ADAMTSL1: variants seen among roughly 807,000 people sequenced by gnomAD.
ADAMTSL1 encodes ADAMTS like 1.
Under a neutral mutation model 201.8 loss-of-function variants are expected in ADAMTSL1, and 126 were observed. That is an observed-to-expected ratio of 0.62 (90% CI 0.54 to 0.72). The LOEUF is 0.72. Ranked by LOEUF, ADAMTSL1 falls within the 30% of genes least tolerant of loss-of-function variation. The pLI is 0.00. For missense variants in ADAMTSL1, 2,679 were observed against 2,277.8 expected (o/e 1.18, Z -3.59); for synonymous variants, 1,121 against 903.4 (o/e 1.24, Z -4.32).
At chr9:18,393,879 C>G (rs987261194) in intron 2 of ADAMTSL1, among the ~76,000 whole-genome samples, 1 of 152,132 alleles carries the variant, frequency 6.6e-6, no homozygotes, top group Non-Finnish European at 1.5e-5. Context: ...TGATACCATC[C>G]GGCTGTGAAA....
At chr9:18,343,965 G>A (rs1045112562) in intron 2 of ADAMTSL1, among the ~76,000 whole-genome samples, 21 of 152,094 alleles carry the variant, frequency 1.4e-4, no homozygotes, top group Admixed American at 5.9e-4. Context: ...CCAGGAGAAT[G>A]TCTCTTGCTA....
chr9:18,120,993 C>A (rs745562828), intron 1 of ADAMTSL1, among the ~76,000 whole-genome samples: 54 of 151,862 alleles, frequency 3.6e-4, no homozygotes, highest in Non-Finnish European at 8.8e-5. Flanking sequence ...GAAGTCATAC[C>A]AAAGCTTTTA....
intron 9 of ADAMTSL1, among the ~76,000 whole-genome samples, chr9:18,673,026 CA>C (rs1829922663): frequency 2.6e-5 from 4 of 152,154 alleles, no homozygotes; most frequent in Non-Finnish European, 5.9e-5. Context: ...GTTTTACCCC[CA>C]AGCCAACTGT....
intron 1 of ADAMTSL1, among the ~76,000 whole-genome samples, chr9:17,936,527 G>A (rs1460255616): frequency 1.3e-5 from 2 of 152,188 alleles, no homozygotes; most frequent in East Asian, 3.9e-4. Context: ...GGTTGAACCA[G>A]TTGATCTCTG....
rs373109941 is a variant in ADAMTSL1 at position 18,650,123 on chromosome 9, C to T, written c.835-7516C>T. 3.9e-5 allele frequency among the ~76,000 whole-genome samples: 6 copies of T among 152,294 alleles called. No homozygotes were observed. In the East Asian group the frequency reaches 7.7e-4, roughly 20 times the overall value. On this transcript the variant is annotated intron_variant, in intron 7 of 28. Coordinates refer to ENST00000380548, the MANE Select transcript of ADAMTSL1 (RefSeq NM_001040272.6). Reference sequence around the variant, plus strand: ...GGTGCCCATCCCCAAGCCTCGCTGCCGCCTTGCAGTTTGATCTCTGACTGC... The same window carrying T: ...GGTGCCCATCCCCAAGCCTCGCTGCTGCCTTGCAGTTTGATCTCTGACTGC...
chr9:18,732,211 C>G (rs1818254855), intron 15 of ADAMTSL1, among the ~76,000 whole-genome samples: 1 of 152,150 alleles, frequency 6.6e-6, no homozygotes, highest in Non-Finnish European at 1.5e-5. Flanking sequence ...TTTATACTCA[C>G]CGAGTTTATT....
chr9:18,231,590 C>T (rs1190339533), intron 2 of ADAMTSL1, among the ~76,000 whole-genome samples: 1 of 152,200 alleles, frequency 6.6e-6, no homozygotes, highest in African/African-American at 2.4e-5. Context: ...GGTTCACATG[C>T]AGTCTCATGG....
chr9:18,231,174 C>T (rs1202296589), intron 2 of ADAMTSL1, among the ~76,000 whole-genome samples: 1 of 152,112 alleles, frequency 6.6e-6, no homozygotes. Flanking sequence ...TACCAATGCC[C>T]ACTCCACCTA....
chr9:18,683,682 C>T (rs2482972), intron 12 of ADAMTSL1, among the ~76,000 whole-genome samples: 22,156 of 152,102 alleles, frequency 0.15, 2,044 homozygotes, highest in East Asian at 0.27. Context: ...AATTGCTGTG[C>T]ATAGAGAACA....
chr9:18,489,114 T>C (rs543803318), intron 1 of ADAMTSL1, among the ~76,000 whole-genome samples: 3 of 152,294 alleles, frequency 2.0e-5, no homozygotes, highest in African/African-American at 4.8e-5. Flanking sequence ...GACCCAGACA[T>C]TGGCAATTTT....
intron 19 of ADAMTSL1, among the ~76,000 whole-genome samples, chr9:18,790,903 T>A (rs1351784418): frequency 6.6e-6 from 1 of 152,200 alleles, no homozygotes; most frequent in Non-Finnish European, 1.5e-5. Context: ...ACTTGCTATG[T>A]AGGTCTTAAT....
chr9:18,582,823 T>C (rs1443860517), intron 4 of ADAMTSL1, among the ~76,000 whole-genome samples: 3 of 151,188 alleles, frequency 2.0e-5, no homozygotes, highest in African/African-American at 7.3e-5. Flanking sequence ...CACTCCAGCC[T>C]GGGCGACACA....
intron 5 of ADAMTSL1, among the ~76,000 whole-genome samples, chr9:18,635,039 T>G (rs1320267297): frequency 6.6e-6 from 1 of 151,746 alleles, no homozygotes; most frequent in Non-Finnish European, 1.5e-5. Flanking sequence ...CATTTGATCT[T>G]GGACTATGCA....
chr9:18,010,676 G>C (rs1275979774), intron 1 of ADAMTSL1, among the ~76,000 whole-genome samples: 1 of 151,974 alleles, frequency 6.6e-6, no homozygotes, highest in Non-Finnish European at 1.5e-5. Context: ...CCCTAAGAGA[G>C]TGGGTGGAGA....
chr9:18,003,135 C>T (rs1474730119), intron 1 of ADAMTSL1, among the ~76,000 whole-genome samples: 1 of 151,940 alleles, frequency 6.6e-6, no homozygotes. Flanking sequence ...GGTAGAGAGC[C>T]CTAAGCACTG....
intron 2 of ADAMTSL1, among the ~76,000 whole-genome samples, chr9:18,374,895 C>T (rs1837216079): frequency 6.6e-6 from 1 of 152,314 alleles, no homozygotes; most frequent in East Asian, 1.9e-4. Flanking sequence ...GGGGGATTAT[C>T]CCCCTTGGAT....
chr9:18,846,175 C>G (rs965134554), intron 23 of ADAMTSL1, among the ~76,000 whole-genome samples: 2 of 152,178 alleles, frequency 1.3e-5, no homozygotes, highest in Non-Finnish European at 2.9e-5. Flanking sequence ...ACTGAGGACA[C>G]AGTAATAAGC....
intron 2 of ADAMTSL1, among the ~76,000 whole-genome samples, chr9:18,353,474 A>AT (rs555362977): frequency 9.0e-4 from 137 of 152,248 alleles, no homozygotes; most frequent in Non-Finnish European, 1.4e-3. Flanking sequence ...GGCTAAAAGG[A>AT]TTTTTTGGCA....
chr9:17,968,447 A>G (rs17186224), intron 1 of ADAMTSL1, among the ~76,000 whole-genome samples: 30,432 of 152,142 alleles, frequency 0.2, 3,373 homozygotes, highest in Middle Eastern at 0.34. Flanking sequence ...TGGTTAGTTC[A>G]GATGCTGTCT....
Sources: allele counts gnomAD v4.1 joint callset (sites outside exome capture counted in the v4.1 genomes callset), GRCh38; gene constraint gnomAD v4.1.1; transcripts MANE v1.5; gene names NCBI Gene and HGNC (gene_info 2026-07-23, HGNC 2026-07-21).